Variants in TMEM143 observed in about 807,000 individuals in gnomAD.
The protein encoded by TMEM143 is transmembrane protein 143.
Under a neutral mutation model 40.3 loss-of-function variants are expected in TMEM143, and 45 were observed. The ratio of observed to expected loss-of-function variants is 1.12; its 90% CI spans 0.88 to 1.43. The LOEUF is 1.43. Ranked by LOEUF, TMEM143 falls within the 40% of genes most tolerant of loss-of-function variation. TMEM143 has a pLI of 0.00. For missense variants in TMEM143, 620 were observed against 613.4 expected (o/e 1.01, Z -0.11); for synonymous variants, 299 against 282.7 (o/e 1.06, Z -0.58).
At chr19:48,352,608 C>T (rs1163924525) in intron 3 of TMEM143, among the ~76,000 whole-genome samples, 2 of 151,902 alleles carry the variant, frequency 1.3e-5, no homozygotes, top group East Asian at 3.9e-4. Flanking sequence ...AACCCCGTCT[C>T]TACTAAAAAT....
intron 4 of TMEM143, among the ~76,000 whole-genome samples, chr19:48,344,763 A>G (rs1381244659): frequency 6.6e-6 from 1 of 151,562 alleles, no homozygotes; most frequent in East Asian, 1.9e-4. Flanking sequence ...CTGGAGTGCA[A>G]TGGCACGATC....
chr19:48,343,326 C>T lies in TMEM143; in HGVS notation c.690G>A (p.Ala230=), dbSNP rs766454305. 45 of 1,610,370 alleles carry T rather than the reference C, an allele frequency of 2.8e-5. No individual in the cohort carries two copies. The East Asian group carries it at 6.7e-4, about 24-fold the overall frequency. ...GGGAACAAGGGCCGCCTCACCTCTC[C>T]GCAGGGGGCAGCTTGGTGAAGAAGC... ...RRGFFTKLPP[A]ERRYFKRVVL... Residue 230 remains alanine (A), a synonymous_variant, in exon 5 of 8, where the codon GCG becomes GCA. Transcript: ENST00000293261.
chr19:48,336,145 G>A (rs1216460485), intron 6 of TMEM143, among the ~76,000 whole-genome samples: 2 of 152,178 alleles, frequency 1.3e-5, no homozygotes, highest in Non-Finnish European at 2.9e-5. Context: ...ACTTTGGGAG[G>A]ATGAGGAGGG....
At position 48,345,256 on chromosome 19, in the gene TMEM143, A is replaced by G. The variant is rs1969595154; in HGVS notation, c.468T>C (p.Ala156=). Residue 156 remains alanine, a synonymous_variant, in exon 4 of 8, where the codon GCT becomes GCC. Coordinates refer to ENST00000293261, the MANE Select transcript of TMEM143 (RefSeq NM_018273.4). The part of the protein sequence containing the change: ...RLSNEQEVLR[A]LEPLLAQANF... ...TGGCCTGGGCCAGCAGGGGCTCCAG[A>G]GCCCGAAGCACCTCCTGCTCATTAG... 6.2e-7 allele frequency: 1 copy of G among 1,613,240 alleles called. No homozygotes were observed. The highest frequency in any genetic ancestry group is 8.5e-7 in the Non-Finnish European group (1 of 1,179,566).
intron 6 of TMEM143, among the ~76,000 whole-genome samples, chr19:48,340,249 C>T (rs1018575699): frequency 2.0e-5 from 3 of 150,678 alleles, no homozygotes; most frequent in African/African-American, 7.3e-5. Flanking sequence ...GCCTCAGCCT[C>T]CAGAGTAGCT....
At chr19:48,356,373 G>A (rs999395993) in intron 3 of TMEM143, among the ~76,000 whole-genome samples, 1 of 150,796 alleles carries the variant, frequency 6.6e-6, no homozygotes, top group African/African-American at 2.4e-5. Flanking sequence ...TGATCTGCCA[G>A]CCTTGGCCTC....
At chr19:48,362,213 C>A (rs1001097034) in intron 2 of TMEM143, among the ~76,000 whole-genome samples, 1 of 150,400 alleles carries the variant, frequency 6.6e-6, no homozygotes, top group African/African-American at 2.5e-5. Flanking sequence ...GAATTGAGTA[C>A]ATACAGTAGG....
At chr19:48,352,248 A>AAAAAAAAAAAAAC (rs1969791611) in intron 3 of TMEM143, among the ~76,000 whole-genome samples, 1 of 145,472 alleles carries the variant, frequency 6.9e-6, no homozygotes, top group South Asian at 2.2e-4. Flanking sequence ...CTCTGTCTCA[A>AAAAAAAAAAAAAC]AAAAAAAAAA....
At chr19:48,352,261 A>AAAAAAAAAAAAAAAAAAAAC (rs930196732) in intron 3 of TMEM143, among the ~76,000 whole-genome samples, 1 of 143,804 alleles carries the variant, frequency 7.0e-6, no homozygotes, top group African/African-American at 2.8e-5. Context: ...AAAAAAAAAA[A>AAAAAAAAAAAAAAAAAAAAC]ACACCATATC....
chr19:48,334,036 C>T lies in TMEM143; in HGVS notation c.1137G>A (p.Arg379=). Residue 379 remains arginine, a synonymous_variant, in exon 7 of 8, where the codon CGG becomes CGA. Transcript: ENST00000293261. ...ALLAHSFLAR[R]PGGTQGSPEE... is the part of the protein sequence containing the mutation. ...CGGGCGAGCCTTGAGTGCCCCCTGG[C>T]CGCCGGGCCAGGAAGCTGTGAGCCA... The T allele has an allele frequency of 6.4e-7, 1 of 1,566,024 alleles. No homozygotes were observed. Among genetic ancestry groups the T allele is most frequent in the Non-Finnish European group, 8.6e-7 (1 of 1,158,498 alleles).
At chr19:48,337,897 A>C (rs949086511) in intron 6 of TMEM143, among the ~76,000 whole-genome samples, 4 of 152,164 alleles carry the variant, frequency 2.6e-5, no homozygotes, top group African/African-American at 9.7e-5. Context: ...TATGAAAAAC[A>C]CATTGGGTTT....
At chr19:48,346,101 C>CA (rs1569030220) in intron 3 of TMEM143, among the ~76,000 whole-genome samples, 1 of 136,988 alleles carries the variant, frequency 7.3e-6, no homozygotes, top group Non-Finnish European at 1.6e-5. Context: ...TTTTCTTTCT[C>CA]TTTTTTTTGA....
intron 6 of TMEM143, among the ~76,000 whole-genome samples, chr19:48,335,763 G>A (rs537290020): frequency 6.6e-6 from 1 of 152,094 alleles, no homozygotes; most frequent in Non-Finnish European, 1.5e-5. Context: ...GTGTGATGGT[G>A]AGCACCTGTA....
intron 3 of TMEM143, among the ~76,000 whole-genome samples, chr19:48,357,181 T>G (rs1017662686): frequency 1.3e-5 from 2 of 151,592 alleles, no homozygotes; most frequent in African/African-American, 4.8e-5. Flanking sequence ...GGTCTCGAAC[T>G]CCTGACTTCA....
intron 6 of TMEM143, among the ~76,000 whole-genome samples, chr19:48,334,418 CTTT>C (rs1969299162): frequency 1.5e-4 from 2 of 13,474 alleles, no homozygotes; most frequent in South Asian, 2.8e-3. Context: ...CTTTTTCTCT[CTTT>C]CTTTCTTTCT....
In TMEM143 at chr19:48,333,501, G is replaced by T; in HGVS notation, c.1166-68C>A. On this transcript the variant is annotated intron_variant, in intron 7 of 7. Coordinates refer to ENST00000293261, the MANE Select transcript of TMEM143 (RefSeq NM_018273.4). This position sits in a 1 kb window ranked among gnomAD's most constrained non-coding sequence, Gnocchi z 4.1. ...GGGGAAGATTCGAGGGAGCAGCAAGGAGGGGCGTAGGGCAAAGAACAGGAA... is the reference window on the plus strand; with the variant it reads ...GGGGAAGATTCGAGGGAGCAGCAAGTAGGGGCGTAGGGCAAAGAACAGGAA... 1.8e-6 allele frequency: 2 copies of T among 1,122,396 alleles called. No homozygotes were observed. The highest frequency in any genetic ancestry group is 2.1e-5 in the Admixed American group (1 of 47,146). The allele number at this position is 1,122,396 out of a possible 1,614,324, so 69.5% of individuals were successfully genotyped here.
chr19:48,334,145 T>G lies in TMEM143; in HGVS notation c.1028A>C (p.Tyr343Ser). The G allele has an allele frequency of 6.2e-7, 1 of 1,608,654 alleles. No homozygotes were observed. The highest frequency in any genetic ancestry group is 8.5e-7 in the Non-Finnish European group (1 of 1,178,012). ...AQALELAHML[Y>S]YRSTSNNSEL... ...CGAGTTGTTGGACGTACTGCGATAG[T>G]ACAGCATGTGCGCCAGCTCCAACGC... Residue 343 changes from tyrosine (Y) to serine (S), a missense_variant, in exon 7 of 8, where the codon TAC (tyrosine) becomes TCC (serine). By Grantham distance (144) the Tyr-to-Ser change is moderately radical. Coordinates refer to ENST00000293261, the MANE Select transcript of TMEM143 (RefSeq NM_018273.4).
chr19:48,347,121 C>T (rs964117209), intron 3 of TMEM143, among the ~76,000 whole-genome samples: 1 of 152,168 alleles, frequency 6.6e-6, no homozygotes, highest in African/African-American at 2.4e-5. Context: ...TTTCCAGTTG[C>T]CTAGCCTATT....
Position 48,360,108 on chromosome 19 carries a change from G to C in TMEM143, c.333C>G (p.Thr111=), listed in dbSNP as rs1445130917. Residue 111 remains threonine, a synonymous_variant, in exon 3 of 8, where the codon ACC becomes ACG. Transcript: ENST00000293261. ...EAFSAHVDFC[T]LFHYHQILAR... ...CCAGGATTTGGTGGTAGTGGAACAGGGTGCAGAAGTCCACGTGGGCCGAGA... is the reference window on the plus strand; with the variant it reads ...CCAGGATTTGGTGGTAGTGGAACAGCGTGCAGAAGTCCACGTGGGCCGAGA... 2 of 1,614,000 alleles carry C rather than the reference G, an allele frequency of 1.2e-6. No individual in the cohort carries two copies. The highest frequency in any genetic ancestry group is 1.7e-5 in the Admixed American group (1 of 59,982).
Sources: gnomAD v4.1 joint callset for allele counts (sites outside exome capture counted in the v4.1 genomes callset) on GRCh38, gnomAD v4.1.1 for gene constraint, Gnocchi (gnomAD v3.1) non-coding constraint, MANE v1.5 for transcripts, NCBI Gene and HGNC (gene_info 2026-07-23, HGNC 2026-07-21) for gene names.